ZFAND3: variants seen among roughly 807,000 people sequenced by gnomAD.
ZFAND3 encodes the protein AN1-type zinc finger protein 3.
ZFAND3 carries 10 observed loss-of-function variants against 29.6 expected under a neutral mutation model. The ratio of observed to expected loss-of-function variants is 0.34; its 90% CI spans 0.21 to 0.57. ZFAND3 has a LOEUF of 0.57. ZFAND3 is among the 20% of genes least tolerant of loss of function. The pLI, the probability that ZFAND3 is intolerant of heterozygous loss-of-function variation, is 0.86. For synonymous variants in ZFAND3, 128 were observed against 112.6 expected (o/e 1.14, Z -0.87); for missense variants, 230 against 304.5 (o/e 0.76, Z 1.82).
chr6:37,834,706 A>G (rs1289603510), intron 1 of ZFAND3, among the ~76,000 whole-genome samples: 2 of 145,864 alleles, frequency 1.4e-5, no homozygotes, highest in African/African-American at 5.6e-5. Flanking sequence ...ATATATCATT[A>G]TGTATATATA....
At chr6:37,844,653 G>C (rs576912373) in intron 1 of ZFAND3, among the ~76,000 whole-genome samples, 2 of 152,114 alleles carry the variant, frequency 1.3e-5, no homozygotes, top group East Asian at 3.9e-4. Context: ...CTGGAGCTGT[G>C]GTCTGCTGGC....
intron 4 of ZFAND3, among the ~76,000 whole-genome samples, chr6:38,097,592 TGAA>T (rs1765008038): frequency 6.6e-6 from 1 of 152,174 alleles, no homozygotes; most frequent in Non-Finnish European, 1.5e-5. Context: ...CCAGTTGCTT[TGAA>T]GAAGAGCTGT....
chr6:38,112,073 T>G (rs1765331831), intron 4 of ZFAND3, among the ~76,000 whole-genome samples: 1 of 152,158 alleles, frequency 6.6e-6, no homozygotes, highest in Non-Finnish European at 1.5e-5. Context: ...AAATCCTTCT[T>G]CTTAAGATTT....
At chr6:37,979,456 G>A (rs776161689) in intron 2 of ZFAND3, among the ~76,000 whole-genome samples, 3 of 152,334 alleles carry the variant, frequency 2.0e-5, no homozygotes, top group South Asian at 2.1e-4. Flanking sequence ...TTACTTGGAA[G>A]CAATTTTGTC....
intron 1 of ZFAND3, among the ~76,000 whole-genome samples, chr6:37,825,800 A>G (rs1284639909): frequency 6.6e-6 from 1 of 152,232 alleles, no homozygotes; most frequent in Non-Finnish European, 1.5e-5. Context: ...AGAACTAAGA[A>G]GGCTTTGAAA....
At chr6:38,071,065 T>TTATATATATA (rs138964435) in intron 3 of ZFAND3, among the ~76,000 whole-genome samples, 5 of 148,722 alleles carry the variant, frequency 3.4e-5, no homozygotes, top group African/African-American at 1.2e-4. Flanking sequence ...AGGAATTCTT[T>TTATATATATA]TATATATATA....
At chr6:38,021,918 T>C (rs1763360939) in intron 2 of ZFAND3, among the ~76,000 whole-genome samples, 1 of 152,224 alleles carries the variant, frequency 6.6e-6, no homozygotes, top group African/African-American at 2.4e-5. Context: ...GATGAGTATT[T>C]AGGAGACCAT....
intron 2 of ZFAND3, among the ~76,000 whole-genome samples, chr6:38,022,580 C>T (rs1010520392): frequency 2.6e-5 from 4 of 152,110 alleles, no homozygotes; most frequent in South Asian, 2.1e-4. Context: ...CTTAAAATAC[C>T]GTCCTCTTCC....
chr6:37,992,003 T>G (rs767800046), intron 2 of ZFAND3, among the ~76,000 whole-genome samples: 32 of 152,242 alleles, frequency 2.1e-4, no homozygotes, highest in Non-Finnish European at 1.5e-4. Flanking sequence ...TGGTAATACC[T>G]TTAAATTTAT....
intron 1 of ZFAND3, chr6:37,832,982 G>A (rs1763892765): frequency 6.6e-6 from 1 of 152,140 alleles, no homozygotes; most frequent in Non-Finnish European, 1.5e-5. Flanking sequence ...CACTACTGAT[G>A]AGCACAGGAG....
At position 38,061,496 on chromosome 6, in the gene ZFAND3, G is replaced by A. The variant is rs1331563458; in HGVS notation, c.113-97G>A. 11 of 1,403,182 alleles carry A rather than the reference G, an allele frequency of 7.8e-6. 1 individual carries two copies. In the East Asian group the frequency reaches 1.9e-4, roughly 24 times the overall value. The allele number at this position is 1,403,182 out of a possible 1,614,324, so 86.9% of individuals were successfully genotyped here. ...TCACCCAGATCAGTCTTTATTATTGGTGTTGTTGCATTTAATTTTTGTACC... is the reference window on the plus strand; with the variant it reads ...TCACCCAGATCAGTCTTTATTATTGATGTTGTTGCATTTAATTTTTGTACC... On this transcript the variant is annotated intron_variant, in intron 2 of 5. Coordinates refer to ENST00000287218, the MANE Select transcript of ZFAND3 (RefSeq NM_021943.3).
chr6:38,065,751 A>G (rs1419305691), intron 3 of ZFAND3, among the ~76,000 whole-genome samples: 1 of 152,232 alleles, frequency 6.6e-6, no homozygotes. Flanking sequence ...AGATATTGTC[A>G]CAATATTATG....
At chr6:38,138,145 C>A (rs1429599696) in intron 5 of ZFAND3, among the ~76,000 whole-genome samples, 1 of 151,096 alleles carries the variant, frequency 6.6e-6, no homozygotes, top group African/African-American at 2.4e-5. Flanking sequence ...GACCTTGTCT[C>A]TATTAAAGAA....
chr6:38,139,051 T>G (rs1337602448), intron 5 of ZFAND3, among the ~76,000 whole-genome samples: 3 of 152,100 alleles, frequency 2.0e-5, no homozygotes, highest in Non-Finnish European at 2.9e-5. Context: ...CCATGAAGGA[T>G]TCCAAGGAGC....
chr6:37,885,431 G>A (rs1174766915), intron 1 of ZFAND3, among the ~76,000 whole-genome samples: 3 of 152,132 alleles, frequency 2.0e-5, no homozygotes, highest in African/African-American at 4.8e-5. Flanking sequence ...ATTAACTGAG[G>A]TCAGGAGTTA....
chr6:38,030,173 CT>C (rs1763532502), intron 2 of ZFAND3, among the ~76,000 whole-genome samples: 1 of 135,212 alleles, frequency 7.4e-6, no homozygotes, highest in South Asian at 2.4e-4. Context: ...CCTTTCCTTC[CT>C]TTTTTTCCTT....
intron 4 of ZFAND3, among the ~76,000 whole-genome samples, chr6:38,085,975 A>C (rs17649630): frequency 0.066 from 10,030 of 152,276 alleles, 408 homozygotes; most frequent in Non-Finnish European, 0.095. Flanking sequence ...TTTGTATTTC[A>C]AGCAATTACT....
At chr6:38,071,415 T>TATTTTTTTTTCCC in intron 3 of ZFAND3, among the ~76,000 whole-genome samples, 1 of 152,216 alleles carries the variant, frequency 6.6e-6, no homozygotes, top group East Asian at 1.9e-4. Context: ...GATTTACCTT[T>TATTTTTTTTTCCC]ATTTTTTTTT....
At chr6:38,031,135 C>T (rs1283290964) in intron 2 of ZFAND3, among the ~76,000 whole-genome samples, 1 of 152,174 alleles carries the variant, frequency 6.6e-6, no homozygotes, top group African/African-American at 2.4e-5. Flanking sequence ...ATCCAAGGTG[C>T]TGCTTTTTTC....
Sources: gnomAD v4.1 joint callset for allele counts (sites outside exome capture counted in the v4.1 genomes callset) on GRCh38, gnomAD v4.1.1 for gene constraint, MANE v1.5 for transcripts, NCBI Gene and HGNC (gene_info 2026-07-23, HGNC 2026-07-21) for gene names.